PRDM12: variants seen among roughly 807,000 people sequenced by gnomAD.
PRDM12 encodes the protein PR/SET domain 12, also known as PR domain zinc finger protein 12.
A neutral mutation model predicts 29.6 loss-of-function variants in PRDM12; 17 were observed. That is an observed-to-expected ratio of 0.57 (90% CI 0.39 to 0.86). The LOEUF (loss-of-function observed/expected upper bound fraction) is 0.86. PRDM12 is among the 40% of genes least tolerant of loss of function. PRDM12 has a pLI of 0.00. For missense variants in PRDM12, 422 were observed against 510.8 expected (o/e 0.83, Z 1.68); for synonymous variants, 231 against 225.8 (o/e 1.02, Z -0.21).
chr9:130,676,729 G>A (rs150506890), intron 3 of PRDM12, among the ~76,000 whole-genome samples: 118 of 152,250 alleles, frequency 7.8e-4, no homozygotes, highest in African/African-American at 2.8e-3. Flanking sequence ...TGCGATTCAT[G>A]TTTCCACATT....
At chr9:130,674,494 G>T (rs1391017480) in intron 3 of PRDM12, among the ~76,000 whole-genome samples, 1 of 64,172 alleles carries the variant, frequency 1.6e-5, no homozygotes, top group African/African-American at 5.7e-5. Flanking sequence ...AAGATAATTT[G>T]TGTGTGTGTG....
chr9:130,673,038 T>A (rs1235979737), intron 3 of PRDM12, among the ~76,000 whole-genome samples: 1 of 152,176 alleles, frequency 6.6e-6, no homozygotes, highest in Non-Finnish European at 1.5e-5. Flanking sequence ...GATTTTGTGG[T>A]ACAGGACTCA....
chr9:130,671,544 CT>C (rs375203775), intron 3 of PRDM12, among the ~76,000 whole-genome samples: 1 of 152,274 alleles, frequency 6.6e-6, no homozygotes, highest in African/African-American at 2.4e-5. Context: ...ACCCATTTTA[CT>C]TTTAAAGTGG....
rs1830902219 is a variant in PRDM12 at position 130,681,566 on chromosome 9, C to T, written c.1001C>T (p.Ser334Leu). 2.5e-6 allele frequency: 3 copies of T among 1,214,760 alleles called. No individual in the cohort carries two copies. Among genetic ancestry groups the T allele is most frequent in the Non-Finnish European group, 3.1e-6 (3 of 977,232 alleles). 75.2% of individuals were successfully genotyped at this position (1,214,760 alleles called of 1,614,324 possible). A position where few individuals can be genotyped will look rare whatever the true frequency, so the allele number is the denominator to read the frequency against. Residue 334 changes from serine (S) to leucine (L), a missense_variant, in exon 5 of 5, where the codon TCG (serine) becomes TTG (leucine). Physicochemically the swap from Ser to Leu is moderately radical, Grantham distance 145. Transcript: ENST00000253008. The surrounding 1 kb of genome is among the most constrained non-coding windows in gnomAD (Gnocchi z 8.1). ...CCCAGCACCGCGCTGCAGGCACACT[C>T]GCCCGCGCTGCCCGCCCCGCACGCG... ...RPPSTALQAH[S>L]PALPAPHAHA...
At chr9:130,678,491 G>A (rs747861989) in intron 3 of PRDM12, 38 bp from the exon 4 acceptor site, 6 of 1,491,008 alleles carry the variant, frequency 4.0e-6, no homozygotes, top group Non-Finnish European at 4.6e-6. Context: ...CCTCCCAGCT[G>A]CGGCCTCCCT....
intron 3 of PRDM12, among the ~76,000 whole-genome samples, chr9:130,671,269 C>T (rs1290144470): frequency 1.3e-5 from 2 of 151,990 alleles, no homozygotes; most frequent in African/African-American, 4.8e-5. Context: ...TGCCTGAACC[C>T]AGGAGGCGGA....
rs1830751374 is a variant in PRDM12 at position 130,668,220 on chromosome 9, C to T, written c.477C>T (p.Ser159=). The change falls in exon 3 of 5, where the codon AGC becomes AGT. Residue 159 remains serine (S), a synonymous_variant. Transcript: ENST00000253008. This position sits in a 1 kb window ranked among gnomAD's most constrained non-coding sequence, Gnocchi z 4.0. ...FIDASQEDHR[S]WMTYIKCARN... ...ATGCCAGCCAGGAGGACCACCGGAG[C>T]TGGATGACCTACATCAAGTGTGCAC... The T allele has an allele frequency of 6.2e-7, 1 of 1,614,196 alleles. No individual in the cohort carries two copies. The highest frequency in any genetic ancestry group is 8.5e-7 in the Non-Finnish European group (1 of 1,180,046).
At chr9:130,679,898 T>C (rs1206051578) in intron 4 of PRDM12, among the ~76,000 whole-genome samples, 2 of 150,822 alleles carry the variant, frequency 1.3e-5, no homozygotes, top group African/African-American at 4.9e-5. Flanking sequence ...TGGGCTCAAA[T>C]GATCCTCCTG....
chr9:130,676,389 A>G (rs1480495938), intron 3 of PRDM12, among the ~76,000 whole-genome samples: 2 of 152,060 alleles, frequency 1.3e-5, no homozygotes, highest in African/African-American at 4.8e-5. Context: ...CCAGCTACTC[A>G]GGAGGCTGAG....
intron 1 of PRDM12, among the ~76,000 whole-genome samples, chr9:130,665,439 C>T (rs1830723932): frequency 1.3e-5 from 2 of 152,128 alleles, no homozygotes; most frequent in Non-Finnish European, 2.9e-5. Context: ...AACCCGCAAA[C>T]AATATCTTTC....
In PRDM12 at chr9:130,678,563, A is replaced by G; in HGVS notation, c.605A>G (p.Tyr202Cys). The change falls in exon 4 of 5, where the codon TAC (tyrosine) becomes TGC (cysteine). Residue 202 changes from tyrosine to cysteine, a missense_variant. By Grantham distance (194) the Tyr-to-Cys change is radical. Transcript: ENST00000253008. ...CCTGACCAGGAACTGCTGGTGTGGT[A>G]CGGAAACTCACACAACACCTTCCTG... ...IPPDQELLVW[Y>C]GNSHNTFLGI... 1 of 1,613,552 alleles carries G rather than the reference A, an allele frequency of 6.2e-7. No homozygotes were observed. The highest frequency in any genetic ancestry group is 8.5e-7 in the Non-Finnish European group (1 of 1,179,700).
At position 130,681,628 on chromosome 9, in the gene PRDM12, G is replaced by GCCT. The variant is rs1830904795; in HGVS notation, c.1065_1066insTCC (p.Ala355_Ala356insSer). ...GCTCGCCGCCGCCGCCGCCGCCGCC[G>GCCT]CCGCCGCCGCCGCGCACCACCTGCC... is the stretch of plus-strand genomic sequence containing the variant. On this transcript the variant is annotated inframe_insertion, in exon 5 of 5. Transcript: ENST00000253008. This position sits in a 1 kb window ranked among gnomAD's most constrained non-coding sequence, Gnocchi z 8.1. 1.0e-6 allele frequency: 1 copy of GCCT among 965,526 alleles called. No individual in the cohort carries two copies. Among genetic ancestry groups the GCCT allele is most frequent in the Non-Finnish European group, 1.2e-6 (1 of 817,494 alleles). 59.8% of individuals were successfully genotyped at this position (965,526 alleles called of 1,614,324 possible). A position where few individuals can be genotyped will look rare whatever the true frequency, so the allele number is the denominator to read the frequency against.
chr9:130,674,296 A>C (rs1359431054), intron 3 of PRDM12, among the ~76,000 whole-genome samples: 1 of 152,068 alleles, frequency 6.6e-6, no homozygotes, highest in Non-Finnish European at 1.5e-5. Flanking sequence ...TACAGGCGTG[A>C]GCCACTGCGC....
At chr9:130,680,072 T>G (rs1830880102) in intron 4 of PRDM12, among the ~76,000 whole-genome samples, 1 of 151,812 alleles carries the variant, frequency 6.6e-6, no homozygotes, top group Admixed American at 6.6e-5. Flanking sequence ...CATGGTGGCT[T>G]ATGCCTATAA....
intron 4 of PRDM12, among the ~76,000 whole-genome samples, chr9:130,680,941 G>GA (rs1830894153): frequency 2.0e-5 from 3 of 152,006 alleles, no homozygotes; most frequent in African/African-American, 7.3e-5. Flanking sequence ...TCGTACGCCC[G>GA]AAAAGGCAGT....
intron 1 of PRDM12, among the ~76,000 whole-genome samples, chr9:130,665,842 G>T (rs970618044): frequency 5.9e-5 from 9 of 152,186 alleles, no homozygotes; most frequent in African/African-American, 1.7e-4. Flanking sequence ...CATGGAGGCC[G>T]CCCTTGTGCG....
chr9:130,680,659 AT>A (rs767033169), intron 4 of PRDM12, among the ~76,000 whole-genome samples: 2,878 of 72,104 alleles, frequency 0.04, 62 homozygotes, highest in African/African-American at 0.069. Flanking sequence ...ATATATATAT[AT>A]TTTTTTTTTT....
chr9:130,680,659 A>ATATATATATATATTTTTT, intron 4 of PRDM12, among the ~76,000 whole-genome samples: 11 of 72,156 alleles, frequency 1.5e-4, no homozygotes, highest in East Asian at 1.3e-3. Flanking sequence ...ATATATATAT[A>ATATATATATATATTTTTT]TTTTTTTTTT....
intron 3 of PRDM12, among the ~76,000 whole-genome samples, chr9:130,670,775 C>T (rs1458775894): frequency 6.6e-6 from 1 of 152,196 alleles, no homozygotes; most frequent in Non-Finnish European, 1.5e-5. Context: ...CCCACACGCA[C>T]ACACATACCC....
Sources: allele counts gnomAD v4.1 joint callset (sites outside exome capture counted in the v4.1 genomes callset), GRCh38; gene constraint gnomAD v4.1.1; non-coding constraint Gnocchi (gnomAD v3.1); transcripts MANE v1.5; gene names NCBI Gene and HGNC (gene_info 2026-07-23, HGNC 2026-07-21).